Variants in MINDY3 observed in about 807,000 individuals in gnomAD.
The protein encoded by MINDY3 is MINDY lysine 48 deubiquitinase 3, also known as ubiquitin carboxyl-terminal hydrolase MINDY-3.
Under a neutral mutation model 69.2 loss-of-function variants are expected in MINDY3, and 38 were observed. The ratio of observed to expected loss-of-function variants is 0.55; its 90% CI spans 0.42 to 0.72. The LOEUF is 0.72. MINDY3 is among the 30% of genes least tolerant of loss of function. The pLI is 0.00. For missense variants in MINDY3, 522 were observed against 519.0 expected (o/e 1.01, Z -0.06); for synonymous variants, 192 against 180.1 (o/e 1.07, Z -0.53).
intron 1 of MINDY3, among the ~76,000 whole-genome samples, chr10:15,855,922 GAAT>G (rs955376022): frequency 2.6e-5 from 4 of 152,102 alleles, no homozygotes; most frequent in Admixed American, 1.3e-4. Flanking sequence ...TCAAGTATTT[GAAT>G]AATAAAACAA....
At chr10:15,781,937 G>A (rs78322551) in intron 14 of MINDY3, among the ~76,000 whole-genome samples, 1,566 of 152,224 alleles carry the variant, frequency 0.01, 27 homozygotes, top group African/African-American at 0.035. Flanking sequence ...TTTAGTCATG[G>A]TGAAACTACT....
At chr10:15,837,585 C>T (rs1314002409) in intron 5 of MINDY3, 1 of 1,369,964 alleles carries the variant, frequency 7.3e-7, no homozygotes, top group Non-Finnish European at 9.7e-7. Context: ...TGTCTGGCAT[C>T]AGTAAATTCT....
chr10:15,804,352 A>G (rs1838479132), intron 10 of MINDY3, among the ~76,000 whole-genome samples: 1 of 152,134 alleles, frequency 6.6e-6, no homozygotes, highest in Non-Finnish European at 1.5e-5. Flanking sequence ...TTCACTATTC[A>G]CCATAAACCT....
chr10:15,822,802 G>T (rs777734347), intron 8 of MINDY3, among the ~76,000 whole-genome samples: 1 of 152,080 alleles, frequency 6.6e-6, no homozygotes, highest in South Asian at 2.1e-4. Flanking sequence ...ATGGAAGTGG[G>T]TAAGTCAGAA....
chr10:15,795,132 T>TAC (rs1280303863), intron 11 of MINDY3, among the ~76,000 whole-genome samples: 1 of 152,094 alleles, frequency 6.6e-6, no homozygotes, highest in Admixed American at 6.6e-5. Flanking sequence ...ATATGACTAT[T>TAC]ACCTTGGACA....
chr10:15,803,880 A>T (rs1427322903), intron 10 of MINDY3, among the ~76,000 whole-genome samples: 1 of 152,130 alleles, frequency 6.6e-6, no homozygotes, highest in Non-Finnish European at 1.5e-5. Flanking sequence ...AGGGATTCCA[A>T]GGTCAGCAAA....
At chr10:15,854,328 T>A (rs1834537370) in intron 1 of MINDY3, among the ~76,000 whole-genome samples, 1 of 152,242 alleles carries the variant, frequency 6.6e-6, no homozygotes, top group South Asian at 2.1e-4. Flanking sequence ...ATTTTCTGCA[T>A]CCACTTCAAC....
At chr10:15,807,544 C>T (rs764951094) in intron 10 of MINDY3, among the ~76,000 whole-genome samples, 3 of 152,076 alleles carry the variant, frequency 2.0e-5, no homozygotes, top group Non-Finnish European at 4.4e-5. Flanking sequence ...ACTCTGCTAT[C>T]AACTCTACTG....
intron 7 of MINDY3, among the ~76,000 whole-genome samples, 200 bp from the exon 8 acceptor site, chr10:15,833,909 T>C (rs1412782574): frequency 6.6e-6 from 1 of 152,256 alleles, no homozygotes; most frequent in East Asian, 1.9e-4. Context: ...GTGGTATTTA[T>C]TGTTCTACAT....
intron 12 of MINDY3, among the ~76,000 whole-genome samples, chr10:15,787,229 T>C (rs944109504): frequency 2.6e-5 from 4 of 152,106 alleles, no homozygotes; most frequent in African/African-American, 9.7e-5. Flanking sequence ...ATATACTGTA[T>C]TGGTCCAGCA....
chr10:15,800,931 G>C (rs1298617808), intron 10 of MINDY3, among the ~76,000 whole-genome samples: 1 of 152,182 alleles, frequency 6.6e-6, no homozygotes, highest in East Asian at 1.9e-4. Context: ...AAAAAGTGCA[G>C]TCATTATACA....
intron 9 of MINDY3, among the ~76,000 whole-genome samples, chr10:15,820,450 C>T (rs1257883771): frequency 6.6e-6 from 1 of 152,160 alleles, no homozygotes; most frequent in Non-Finnish European, 1.5e-5. Flanking sequence ...ATCCCACTTG[C>T]CCCACCCCCC....
At chr10:15,780,627 CCTTT>C (rs975490267) in intron 14 of MINDY3, among the ~76,000 whole-genome samples, 4 of 152,166 alleles carry the variant, frequency 2.6e-5, no homozygotes, top group African/African-American at 9.6e-5. Context: ...TTGTCTGTTT[CCTTT>C]CTAACAGGAC....
At chr10:15,787,088 ATCT>A (rs1837028692) in intron 12 of MINDY3, among the ~76,000 whole-genome samples, 1 of 152,198 alleles carries the variant, frequency 6.6e-6, no homozygotes, top group Non-Finnish European at 1.5e-5. Context: ...AATAGAAAAC[ATCT>A]CTTAAAAAGC....
chr10:15,854,801 G>T, intron 1 of MINDY3, among the ~76,000 whole-genome samples: 1 of 152,010 alleles, frequency 6.6e-6, no homozygotes, highest in African/African-American at 2.4e-5. Flanking sequence ...AGGACAAATG[G>T]AGAACTGGAA....
chr10:15,793,520 C>T (rs1837575951), intron 11 of MINDY3, among the ~76,000 whole-genome samples: 1 of 152,120 alleles, frequency 6.6e-6, no homozygotes, highest in Non-Finnish European at 1.5e-5. Flanking sequence ...GCGAGAATAT[C>T]AAATCCTTAC....
chr10:15,856,175 T>G (rs529190125), intron 1 of MINDY3, among the ~76,000 whole-genome samples: 1 of 152,074 alleles, frequency 6.6e-6, no homozygotes, highest in Non-Finnish European at 1.5e-5. Flanking sequence ...TTTATTACTT[T>G]GATAAAATAG....
intron 1 of MINDY3, among the ~76,000 whole-genome samples, chr10:15,854,041 C>G (rs1471067269): frequency 6.6e-6 from 1 of 151,992 alleles, no homozygotes; most frequent in Non-Finnish European, 1.5e-5. Context: ...TTGTCATAAA[C>G]CAGTAGACTG....
chr10:15,841,629 G>C, intron 3 of MINDY3, 30 bp from the exon 4 acceptor site: 2 of 1,487,050 alleles, frequency 1.3e-6, no homozygotes, highest in Non-Finnish European at 1.8e-6. Flanking sequence ...AAGTTATAAT[G>C]GTTTCCTCTG....
Sources: gnomAD v4.1 joint callset for allele counts (sites outside exome capture counted in the v4.1 genomes callset) on GRCh38, gnomAD v4.1.1 for gene constraint, MANE v1.5 for transcripts, NCBI Gene and HGNC (gene_info 2026-07-23, HGNC 2026-07-21) for gene names.